Variants in MFHAS1 observed in about 807,000 individuals in gnomAD.
MFHAS1 encodes multifunctional ROCO family signaling regulator 1.
A neutral mutation model predicts 70.4 loss-of-function variants in MFHAS1; 50 were observed. That is an observed-to-expected ratio of 0.71 (90% CI 0.57 to 0.90). The LOEUF (loss-of-function observed/expected upper bound fraction) is 0.90, where lower values mean the gene tolerates loss of function less well. Ranked by LOEUF, MFHAS1 falls within the 40% of genes least tolerant of loss-of-function variation. MFHAS1 has a pLI of 0.00. For missense variants in MFHAS1, 1,795 were observed against 1,347.6 expected (o/e 1.33, Z -5.20); for synonymous variants, 952 against 620.0 (o/e 1.54, Z -7.96).
chr8:8,795,677 TA>T (rs1325204918), intron 2 of MFHAS1, among the ~76,000 whole-genome samples: 1 of 152,056 alleles, frequency 6.6e-6, no homozygotes, highest in Non-Finnish European at 1.5e-5. Context: ...AGCTAATGAG[TA>T]AGAATGCCAC....
Position 8,890,242 on chromosome 8 carries a change from G to C in MFHAS1, c.2817C>G (p.Asp939Glu). Residue 939 changes from aspartate (D) to glutamate (E), a missense_variant, in exon 1 of 3, where the codon GAC becomes GAG. Coordinates refer to ENST00000276282, the MANE Select transcript of MFHAS1 (RefSeq NM_004225.3). ...ATGCATGGCTAGCAATGGACAGGGT[G>C]TCTGGCTGCAGGACTCCCCTGGCAG... ...YRPARGVLQP[D>E]TLSIASHASL... 1 of 1,614,154 alleles carries C rather than the reference G, an allele frequency of 6.2e-7. No individual in the cohort carries two copies. Among genetic ancestry groups the C allele is most frequent in the East Asian group, 2.2e-5 (1 of 44,882 alleles).
chr8:8,816,067 T>C (rs985876327), intron 1 of MFHAS1, among the ~76,000 whole-genome samples: 27 of 152,178 alleles, frequency 1.8e-4, no homozygotes, highest in South Asian at 6.2e-4. Flanking sequence ...ACAGAGTGCA[T>C]AGTGGATGAG....
chr8:8,891,321 G>A lies in MFHAS1; in HGVS notation c.1738C>T (p.Leu580=). The change falls in exon 1 of 3, where the codon CTG becomes TTG. Residue 580 remains leucine (L), a synonymous_variant. Coordinates refer to ENST00000276282, the MANE Select transcript of MFHAS1 (RefSeq NM_004225.3). This position sits in a 1 kb window ranked among gnomAD's most constrained non-coding sequence, Gnocchi z 5.4. ...GAGCGCAGCTCGAAGTCCCGGGCCAGTGCCTCGTCCACCACCTTGGCCAAG... is the reference window on the plus strand; with the variant it reads ...GAGCGCAGCTCGAAGTCCCGGGCCAATGCCTCGTCCACCACCTTGGCCAAG... ...SRLAKVVDEA[L]ARDFELRSAS... 1 of 1,611,254 alleles carries A rather than the reference G, an allele frequency of 6.2e-7. No individual in the cohort carries two copies. The highest frequency in any genetic ancestry group is 8.5e-7 in the Non-Finnish European group (1 of 1,180,034).
intron 1 of MFHAS1, among the ~76,000 whole-genome samples, chr8:8,845,034 T>G (rs566150235): frequency 6.6e-6 from 1 of 152,300 alleles, no homozygotes; most frequent in South Asian, 2.1e-4. Context: ...TAAGAAGACC[T>G]ATAAAATGGA....
Position 8,810,032 on chromosome 8 carries a change from C to G in MFHAS1, c.2999-12541G>C, listed in dbSNP as rs542638020. ...AAGGACCTTATCAAAATCTACCTGA[C>G]TTTGAAGTACTAAGGGGAATCATGT... On this transcript the variant is annotated intron_variant, in intron 1 of 2. Transcript: ENST00000276282. 6.1e-4 allele frequency among the ~76,000 whole-genome samples: 93 copies of G among 152,288 alleles called. 1 individual carries two copies. The South Asian group carries it at 0.019, about 31-fold the overall frequency.
intron 1 of MFHAS1, among the ~76,000 whole-genome samples, chr8:8,830,602 A>T (rs1224392804): frequency 6.6e-6 from 1 of 152,152 alleles, no homozygotes; most frequent in Non-Finnish European, 1.5e-5. Flanking sequence ...AAGGAATCCT[A>T]TCCTATATAT....
At chr8:8,815,022 C>T (rs574625906) in intron 1 of MFHAS1, among the ~76,000 whole-genome samples, 7 of 152,108 alleles carry the variant, frequency 4.6e-5, no homozygotes, top group African/African-American at 9.6e-5. Context: ...CCTTTCTCAC[C>T]GCCCCCCACA....
At chr8:8,866,552 A>T (rs955004025) in intron 1 of MFHAS1, among the ~76,000 whole-genome samples, 1 of 152,094 alleles carries the variant, frequency 6.6e-6, no homozygotes, top group Non-Finnish European at 1.5e-5. Flanking sequence ...TCCTGGGCTC[A>T]AGCGATCCTC....
chr8:8,828,907 G>A (rs909788936), intron 1 of MFHAS1, among the ~76,000 whole-genome samples: 1 of 152,150 alleles, frequency 6.6e-6, no homozygotes, highest in South Asian at 2.1e-4. Flanking sequence ...AGTCCTTCAT[G>A]TCTTTCCTTT....
intron 1 of MFHAS1, among the ~76,000 whole-genome samples, chr8:8,851,641 G>A (rs1256662537): frequency 6.6e-6 from 1 of 152,062 alleles, no homozygotes; most frequent in Admixed American, 6.6e-5. Flanking sequence ...AAACAAAACT[G>A]GAAACAAAAC....
At chr8:8,874,353 C>T (rs942068068) in intron 1 of MFHAS1, among the ~76,000 whole-genome samples, 2 of 151,678 alleles carry the variant, frequency 1.3e-5, no homozygotes, top group South Asian at 4.2e-4. Flanking sequence ...CACACACACA[C>T]ACACACACAC....
At chr8:8,867,615 T>A (rs937026285) in intron 1 of MFHAS1, among the ~76,000 whole-genome samples, 108 of 151,820 alleles carry the variant, frequency 7.1e-4, no homozygotes, top group African/African-American at 2.6e-3. Flanking sequence ...TGGAGTGCAG[T>A]GGCGCAATCT....
intron 1 of MFHAS1, among the ~76,000 whole-genome samples, chr8:8,872,095 A>G (rs1275061642): frequency 6.6e-6 from 1 of 152,244 alleles, no homozygotes; most frequent in Non-Finnish European, 1.5e-5. Context: ...AAGCATTATA[A>G]AACGATCTGT....
intron 1 of MFHAS1, among the ~76,000 whole-genome samples, chr8:8,879,584 C>A: frequency 6.6e-6 from 1 of 152,210 alleles, no homozygotes; most frequent in Non-Finnish European, 1.5e-5. Flanking sequence ...AAATTCAAAG[C>A]TGTGGCCTGC....
intron 2 of MFHAS1, among the ~76,000 whole-genome samples, chr8:8,786,771 G>A (rs1223629856): frequency 2.0e-5 from 3 of 150,800 alleles, no homozygotes; most frequent in East Asian, 1.9e-4. Flanking sequence ...AAGGAGTTAC[G>A]ATTCGTTTCC....
intron 2 of MFHAS1, among the ~76,000 whole-genome samples, chr8:8,787,926 G>T (rs191092511): frequency 9.9e-5 from 15 of 152,254 alleles, no homozygotes; most frequent in Non-Finnish European, 2.2e-4. Flanking sequence ...CCACATTTGG[G>T]ATCTTAGAGA....
At chr8:8,833,917 G>A (rs1388943471) in intron 1 of MFHAS1, among the ~76,000 whole-genome samples, 2 of 152,066 alleles carry the variant, frequency 1.3e-5, no homozygotes, top group African/African-American at 4.8e-5. Flanking sequence ...CCTGAGGACA[G>A]GAGTTCAACA....
intron 1 of MFHAS1, among the ~76,000 whole-genome samples, chr8:8,840,032 A>G (rs1807744421): frequency 2.0e-5 from 3 of 152,200 alleles, no homozygotes; most frequent in Non-Finnish European, 2.9e-5. Context: ...ATATATACAC[A>G]TATATGTTTG....
Position 8,892,245 on chromosome 8 carries a change from G to A in MFHAS1, c.814C>T (p.Leu272=), listed in dbSNP as rs965082289. The change falls in exon 1 of 3, where the codon CTG becomes TTG. Residue 272 remains leucine, a synonymous_variant. Transcript: ENST00000276282. This position sits in a 1 kb window ranked among gnomAD's most constrained non-coding sequence, Gnocchi z 4.7. ...LQALPAQFSC[L]QRLKMLNLSS... is the part of the protein sequence containing the mutation. ...AGGTTGAGCATTTTGAGCCGCTGCA[G>A]GCAGCTGAACTGGGCGGGCAGAGCC... The A allele has an allele frequency of 2.5e-6, 4 of 1,611,808 alleles. No homozygotes were observed. In the Admixed American group the frequency reaches 6.7e-5, roughly 27 times the overall value.
Sources: gnomAD v4.1 joint callset for allele counts (sites outside exome capture counted in the v4.1 genomes callset) on GRCh38, gnomAD v4.1.1 for gene constraint, Gnocchi (gnomAD v3.1) non-coding constraint, MANE v1.5 for transcripts, NCBI Gene and HGNC (gene_info 2026-07-23, HGNC 2026-07-21) for gene names.